Variants in TRERF1 observed in about 807,000 individuals in gnomAD.
TRERF1 encodes the protein transcriptional regulating factor 1.
TRERF1 carries 27 observed loss-of-function variants against 122.9 expected under a neutral mutation model. The observed-to-expected ratio is 0.22, with a 90% CI of 0.16 to 0.30. TRERF1 has a LOEUF of 0.30. Ranked by LOEUF, TRERF1 falls within the 10% of genes least tolerant of loss-of-function variation. TRERF1 has a pLI of 1.00. For missense variants in TRERF1, 1,248 were observed against 1,560.3 expected, an observed-to-expected ratio of 0.80 and a Z score of 3.37; for synonymous variants, 636 against 641.7, an observed-to-expected ratio of 0.99 and a Z score of 0.13.
chr6:42,428,359 T>C (rs1783958102), intron 2 of TRERF1, among the ~76,000 whole-genome samples: 1 of 152,234 alleles, frequency 6.6e-6, no homozygotes, highest in Non-Finnish European at 1.5e-5. Flanking sequence ...TGTTGGCTTT[T>C]TGAAGCTCAT....
rs371143819 is a variant in TRERF1 at position 42,372,863 on chromosome 6, C to T, written c.-453-9784G>A. On this transcript the variant is annotated intron_variant, in intron 2 of 17. Coordinates refer to ENST00000372922, the Ensembl canonical transcript of TRERF1. ...CCACAGGGTGGGTGGGGCCCCACTA[C>T]GGAGGAATGAGACCCTGAGTCAGGC... Among the ~76,000 whole-genome samples, 39 of 152,166 alleles carry T rather than the reference C, an allele frequency of 2.6e-4. 1 individual carries two copies. Among genetic ancestry groups the T allele is most frequent in the Non-Finnish European group, 5.0e-4 (34 of 68,036 alleles).
intron 4 of TRERF1, among the ~76,000 whole-genome samples, chr6:42,279,442 G>A (rs1781887716): frequency 6.6e-6 from 1 of 152,198 alleles, no homozygotes; most frequent in Non-Finnish European, 1.5e-5. Flanking sequence ...GCTCTGATGA[G>A]GCCCCAGCGA....
In TRERF1 at chr6:42,312,598, C is replaced by T. The variant is rs944114157; in HGVS notation, c.-370-11849G>A. Among the ~76,000 whole-genome samples, 8 of 152,310 alleles carry T rather than the reference C, an allele frequency of 5.3e-5. No homozygotes were observed. The East Asian group carries it at 5.8e-4, about 11-fold the overall frequency. ...GATGGGTCAAAGCAGACAATGCTGG[C>T]GCTGGGTGTGCCGAGGTCTGGGCAT... On this transcript the variant is annotated intron_variant, in intron 3 of 17. Coordinates refer to ENST00000372922, the Ensembl canonical transcript of TRERF1.
intron 2 of TRERF1, among the ~76,000 whole-genome samples, chr6:42,365,632 A>C (rs925072148): frequency 6.6e-6 from 1 of 152,204 alleles, no homozygotes; most frequent in African/African-American, 2.4e-5. Context: ...ATAGATGACA[A>C]AACAGGTTGA....
At chr6:42,371,534 C>T (rs1344512159) in intron 2 of TRERF1, among the ~76,000 whole-genome samples, 2 of 152,196 alleles carry the variant, frequency 1.3e-5, no homozygotes, top group Non-Finnish European at 2.9e-5. Context: ...GCTCAACCCC[C>T]TCCTTGGCAT....
rs192871086 is a variant in TRERF1 at position 42,432,520 on chromosome 6, T to C, written c.-454+18657A>G. Reference sequence around the variant, plus strand: ...AAATGTGAGTAGATCATAAAAGCCATAACAGGGAGCTTGTGCAAATATTAA... The same window carrying C: ...AAATGTGAGTAGATCATAAAAGCCACAACAGGGAGCTTGTGCAAATATTAA... On this transcript the variant is annotated intron_variant, in intron 2 of 17. Coordinates refer to ENST00000372922, the Ensembl canonical transcript of TRERF1. 3.3e-5 allele frequency among the ~76,000 whole-genome samples: 5 copies of C among 152,264 alleles called. No homozygotes were observed. In the East Asian group the frequency reaches 9.6e-4, roughly 29 times the overall value.
intron 2 of TRERF1, among the ~76,000 whole-genome samples, chr6:42,433,328 T>C (rs1484588527): frequency 1.3e-5 from 2 of 151,586 alleles, no homozygotes; most frequent in Admixed American, 1.3e-4. Flanking sequence ...CCCAAAGAAA[T>C]GAGTCCAATG....
chr6:42,370,534 T>A (rs1348019701), intron 2 of TRERF1, among the ~76,000 whole-genome samples: 1 of 152,204 alleles, frequency 6.6e-6, no homozygotes, highest in Non-Finnish European at 1.5e-5. Context: ...AGATCCCATC[T>A]CTTTAAACAA....
Position 42,269,262 on chromosome 6 carries a change from G to A in TRERF1, c.329C>T (p.Ala110Val). 6.2e-7 allele frequency: 1 copy of A among 1,614,184 alleles called. No individual in the cohort carries two copies. The highest frequency in any genetic ancestry group is 8.5e-7 in the Non-Finnish European group (1 of 1,180,030). The change falls in exon 5 of 18, where the codon GCA (alanine) becomes GTA (valine). Residue 110 changes from alanine to valine, a missense_variant. Ala to Val is a moderately conservative substitution (Grantham distance 64). Transcript: ENST00000372922. The surrounding 1 kb of genome is among the most constrained non-coding windows in gnomAD (Gnocchi z 4.9). ...ATCAGTGGGCTCAGCCTGGGCTGGT[G>A]CCCCCCACATCATGTTTGAGTTGGC...
intron 2 of TRERF1, among the ~76,000 whole-genome samples, chr6:42,437,715 C>T (rs1785708707): frequency 6.6e-6 from 1 of 152,084 alleles, no homozygotes; most frequent in Non-Finnish European, 1.5e-5. Context: ...GGTCTGAGTT[C>T]CGGAGTCTGA....
chr6:42,378,435 C>A (rs537616743), intron 2 of TRERF1, among the ~76,000 whole-genome samples: 2 of 150,916 alleles, frequency 1.3e-5, no homozygotes, highest in East Asian at 3.9e-4. Context: ...ACTGAGAAAA[C>A]TTTTTAAATA....
intron 4 of TRERF1, among the ~76,000 whole-genome samples, chr6:42,289,865 G>A (rs1309320292): frequency 1.3e-5 from 2 of 152,304 alleles, no homozygotes; most frequent in East Asian, 1.9e-4. Context: ...TGAGGGTGAC[G>A]GAGGGGTGTT....
At chr6:42,245,432 T>C (rs1019462098) in intron 14 of TRERF1, among the ~76,000 whole-genome samples, 1 of 152,258 alleles carries the variant, frequency 6.6e-6, no homozygotes, top group Non-Finnish European at 1.5e-5. Flanking sequence ...GAGGACCATC[T>C]GTCTCAGCCA....
chr6:42,329,633 C>T (rs541289044), intron 3 of TRERF1, among the ~76,000 whole-genome samples: 4 of 152,182 alleles, frequency 2.6e-5, no homozygotes, highest in Admixed American at 6.5e-5. Context: ...AAAGGAAGTT[C>T]GGGAACAGGT....
chr6:42,381,485 C>A (rs55693116), intron 2 of TRERF1, among the ~76,000 whole-genome samples: 15,662 of 151,938 alleles, frequency 0.1, 1,318 homozygotes, highest in African/African-American at 0.23. Context: ...CTAACGACTT[C>A]CTAGTAAGGC....
At chr6:42,397,282 C>A (rs1778755722) in intron 2 of TRERF1, among the ~76,000 whole-genome samples, 1 of 152,168 alleles carries the variant, frequency 6.6e-6, no homozygotes, top group Non-Finnish European at 1.5e-5. Context: ...CAAAAACCAA[C>A]AGCCTCAGGC....
At chr6:42,317,234 G>A (rs1289727302) in intron 3 of TRERF1, among the ~76,000 whole-genome samples, 3 of 151,964 alleles carry the variant, frequency 2.0e-5, no homozygotes, top group Non-Finnish European at 4.4e-5. Flanking sequence ...GCCTTAAACT[G>A]TTTGTCTACT....
intron 8 of TRERF1, among the ~76,000 whole-genome samples, chr6:42,261,180 C>A (rs374325525): frequency 3.8e-4 from 58 of 152,304 alleles, no homozygotes; most frequent in African/African-American, 1.1e-3. Flanking sequence ...CTGTGCCCCC[C>A]CCAAGGGGAG....
chr6:42,392,913 C>T (rs544229262), intron 2 of TRERF1, among the ~76,000 whole-genome samples: 2 of 41,268 alleles, frequency 4.8e-5, no homozygotes, highest in East Asian at 1.8e-3. Context: ...AAGCAGCACA[C>T]ACACACATAC....
Sources: gnomAD v4.1 joint callset for allele counts (sites outside exome capture counted in the v4.1 genomes callset) on GRCh38, gnomAD v4.1.1 for gene constraint, Gnocchi (gnomAD v3.1) non-coding constraint, MANE v1.5 for transcripts, NCBI Gene and HGNC (gene_info 2026-07-23, HGNC 2026-07-21) for gene names.